BEGAIN: variants seen among roughly 807,000 people sequenced by gnomAD.
BEGAIN encodes brain enriched guanylate kinase associated.
BEGAIN carries 19 observed loss-of-function variants against 35.8 expected under a neutral mutation model. The observed-to-expected ratio is 0.53, with a 90% CI of 0.37 to 0.78. BEGAIN has a LOEUF of 0.78. Among genes scored for constraint, BEGAIN ranks in the 30% least tolerant of loss-of-function variants. BEGAIN has a pLI of 0.00. For missense variants in BEGAIN, 795 were observed against 853.6 expected (o/e 0.93, Z 0.85); for synonymous variants, 462 against 388.6 (o/e 1.19, Z -2.22).
intron 1 of BEGAIN, chr14:100,577,865 T>C (rs2035235632): frequency 2.5e-6 from 1 of 399,110 alleles, no homozygotes; most frequent in African/African-American, 2.1e-5. Flanking sequence ...GGGGCTTCTG[T>C]CCCGGGCTCC....
At position 100,568,209 on chromosome 14, in the gene BEGAIN, G is replaced by A; in HGVS notation, c.43-270C>T. Reference sequence around the variant, plus strand: ...CGCCCCCCGGGGCGAAGAAGGGGCCGGCCCGGGATGGCCCGGCCAGGGGCG... The same window carrying A: ...CGCCCCCCGGGGCGAAGAAGGGGCCAGCCCGGGATGGCCCGGCCAGGGGCG... On this transcript the variant is annotated intron_variant, in intron 1 of 6. Transcript: ENST00000554140. The surrounding 1 kb of genome is among the most constrained non-coding windows in gnomAD (Gnocchi z 7.5). The A allele has an allele frequency of 1.6e-6, 1 of 618,720 alleles. No homozygotes were observed. The highest frequency in any genetic ancestry group is 2.1e-6 in the Non-Finnish European group (1 of 484,608). The allele number at this position is 618,720 out of a possible 1,614,324, so 38.3% of individuals were successfully genotyped here. A position where few individuals can be genotyped will look rare whatever the true frequency, so the allele number is the denominator to read the frequency against.
rs1566977248 is a variant in BEGAIN at position 100,567,371 on chromosome 14, G to A, written c.71+540C>T. Among the ~76,000 whole-genome samples the A allele has an allele frequency of 6.6e-6, 1 of 152,176 alleles. No individual in the cohort carries two copies. Among genetic ancestry groups the A allele is most frequent in the South Asian group, 2.1e-4 (1 of 4,830 alleles). ...AGCTGTCGCGGGATTCCCCCAAAATGGCTCCAAGACGCGGCTGCCTGGTCC... is the reference window on the plus strand; with the variant it reads ...AGCTGTCGCGGGATTCCCCCAAAATAGCTCCAAGACGCGGCTGCCTGGTCC... On this transcript the variant is annotated intron_variant, in intron 2 of 6. Transcript: ENST00000554140. This position sits in a 1 kb window ranked among gnomAD's most constrained non-coding sequence, Gnocchi z 5.1.
intron 2 of BEGAIN, among the ~76,000 whole-genome samples, chr14:100,560,278 T>TGAGCTGACAACCTCA (rs1348180799): frequency 1.3e-5 from 2 of 152,170 alleles, no homozygotes; most frequent in Non-Finnish European, 2.9e-5. Flanking sequence ...TACCGCACTC[T>TGAGCTGACAACCTCA]GAGCTGACAA....
rs1417447827 is a variant in BEGAIN at position 100,561,693 on chromosome 14, C to T, written c.71+6218G>A. Among the ~76,000 whole-genome samples the T allele has an allele frequency of 2.0e-5, 3 of 151,348 alleles. No individual in the cohort carries two copies. In the East Asian group the frequency reaches 5.9e-4, roughly 30 times the overall value. ...CTTGAGCCCTGGACTGCACTCCAGC[C>T]TGGCGGACAGAGCAAGACTGTCGAA... is the stretch of plus-strand genomic sequence containing the variant. On this transcript the variant is annotated intron_variant, in intron 2 of 6. Transcript: ENST00000554140.
rs1158891863 is a variant in BEGAIN at position 100,538,176 on chromosome 14, C to T, written c.1632G>A (p.Gly544=). The change falls in exon 7 of 7, where the codon GGG becomes GGA. Residue 544 remains glycine (G), a synonymous_variant. Transcript: ENST00000554140. Reference sequence around the variant, plus strand: ...TGCTGGCGGTCCCACACAGCTGCACCCCGAGCCTGTCCCCGTCCCCCCCCT... The same window carrying T: ...TGCTGGCGGTCCCACACAGCTGCACTCCGAGCCTGTCCCCGTCCCCCCCCT... ...PSEGGDGDRL[G]VQLCGTASSP... The T allele has an allele frequency of 6.5e-7, 1 of 1,537,716 alleles. No homozygotes were observed. The highest frequency in any genetic ancestry group is 2.4e-5 in the East Asian group (1 of 42,166).
Position 100,538,279 on chromosome 14 carries a change from C to CCCACGTCGGTCACGGGCGCGTCCACGCT in BEGAIN, c.1528_1529insAGCGTGGACGCGCCCGTGACCGACGTGG (p.Cys510Ter). On this transcript the variant is annotated stop_gained and frameshift_variant, in exon 7 of 7. Coordinates refer to ENST00000554140, the MANE Select transcript of BEGAIN (RefSeq NM_001385089.1). LOFTEE classifies it high-confidence loss of function. ...CAGGTCGCCGCCCGCCCGCAGGAAGCAGGGCTCTGCCAGGTGGCCCTGGGA... is the reference window on the plus strand; with the variant it reads ...CAGGTCGCCGCCCGCCCGCAGGAAGCCCACGTCGGTCACGGGCGCGTCCACGCTAGGGCTCTGCCAGGTGGCCCTGGGA... 6.4e-7 allele frequency: 1 copy of CCCACGTCGGTCACGGGCGCGTCCACGCT among 1,560,446 alleles called. No individual in the cohort carries two copies. Among genetic ancestry groups the CCCACGTCGGTCACGGGCGCGTCCACGCT allele is most frequent in the East Asian group, 2.3e-5 (1 of 43,892 alleles).
In BEGAIN at chr14:100,538,914, C is replaced by T. The variant is rs761703451; in HGVS notation, c.894G>A (p.Pro298=). 1.6e-5 allele frequency: 26 copies of T among 1,607,378 alleles called. No individual in the cohort carries two copies. The East Asian group carries it at 4.0e-4, about 25-fold the overall frequency. ...GGAAGGCCTCATGCTGGAAGCCCGC[C>T]GGGAAGGCCGCCGCCTCGGCCTCCT... ...EEEEAEAAAF[P]AGFQHEAFPS... is the part of the protein sequence containing the mutation. The change falls in exon 7 of 7, where the codon CCG becomes CCA. Residue 298 remains proline (P), a synonymous_variant. Transcript: ENST00000554140.
At chr14:100,546,776 GCGCGCACACA>G (rs1450287753) in intron 2 of BEGAIN, 114 bp from the exon 3 acceptor site, 782 of 678,014 alleles carry the variant, frequency 1.2e-3, no homozygotes, top group Middle Eastern at 4.4e-3. Flanking sequence ...GCGCGCGCGC[GCGCGCACACA>G]CACACACACA....
In BEGAIN at chr14:100,537,910, C is replaced by T. The variant is rs1006748824; in HGVS notation, c.*59G>A. 4 of 1,536,072 alleles carry T rather than the reference C, an allele frequency of 2.6e-6. No individual in the cohort carries two copies. Among genetic ancestry groups the T allele is most frequent in the Non-Finnish European group, 3.5e-6 (4 of 1,142,036 alleles). On this transcript the variant is annotated 3_prime_UTR_variant, in exon 7 of 7. Transcript: ENST00000554140. ...GGGGCTGGGGAGAGGTGAGGCCGGC[C>T]CTTCTGGGGCACGTGGGCTGGCGGG...
At chr14:100,572,231 G>A (rs1305635009) in intron 1 of BEGAIN, among the ~76,000 whole-genome samples, 1 of 152,186 alleles carries the variant, frequency 6.6e-6, no homozygotes, top group African/African-American at 2.4e-5. Flanking sequence ...TCAGATGTGG[G>A]TCAGTCCTGC....
chr14:100,556,906 C>T (rs563049669), intron 2 of BEGAIN, among the ~76,000 whole-genome samples: 12 of 152,362 alleles, frequency 7.9e-5, no homozygotes, highest in Admixed American at 4.6e-4. Flanking sequence ...TGCCCCCTCT[C>T]TGCAGGTCAC....
intron 4 of BEGAIN, among the ~76,000 whole-genome samples, chr14:100,544,675 C>T (rs548884453): frequency 8.9e-4 from 135 of 152,248 alleles, no homozygotes; most frequent in Admixed American, 3.3e-3. Context: ...TTCGGGCCTC[C>T]CTATCCTCCT....
intron 2 of BEGAIN, chr14:100,548,520 C>T (rs564070374): frequency 6.5e-6 from 1 of 152,704 alleles, no homozygotes; most frequent in East Asian, 1.9e-4. Flanking sequence ...CCAGCCACAC[C>T]CCAGGCCTCA....
chr14:100,540,956 C>T (rs1595106704), intron 5 of BEGAIN, among the ~76,000 whole-genome samples: 1 of 152,202 alleles, frequency 6.6e-6, no homozygotes, highest in East Asian at 1.9e-4. Context: ...CTCAGGCTCT[C>T]GGCGTCCTTC....
chr14:100,546,816 A>C, intron 2 of BEGAIN, 154 bp from the exon 3 acceptor site: 2 of 548,952 alleles, frequency 3.6e-6, no homozygotes, highest in Non-Finnish European at 5.8e-6. Context: ...ACACACACTC[A>C]CACACACCCA....
chr14:100,561,618 C>T (rs935534339), intron 2 of BEGAIN, among the ~76,000 whole-genome samples: 1 of 151,856 alleles, frequency 6.6e-6, no homozygotes, highest in Admixed American at 6.6e-5. Context: ...TGTGGTGGCA[C>T]ATGACTGTCT....
Position 100,586,811 on chromosome 14 carries a change from C to T in BEGAIN, c.42+438G>A, listed in dbSNP as rs143370512. Among the ~76,000 whole-genome samples the T allele has an allele frequency of 1.3e-5, 2 of 152,156 alleles. No homozygotes were observed. The highest frequency in any genetic ancestry group is 2.4e-5 in the African/African-American group (1 of 41,458). Reference sequence around the variant, plus strand: ...TCCTTCCGGCTCCCGGGCCTTTCTCCGGCCTCCCAAGCAGGGGCTGGCCCT... The same window carrying T: ...TCCTTCCGGCTCCCGGGCCTTTCTCTGGCCTCCCAAGCAGGGGCTGGCCCT... On this transcript the variant is annotated intron_variant, in intron 1 of 6. Transcript: ENST00000554140. The surrounding 1 kb of genome is among the most constrained non-coding windows in gnomAD (Gnocchi z 4.9).
chr14:100,538,764 G>A lies in BEGAIN; in HGVS notation c.1044C>T (p.Ser348=). 6.3e-7 allele frequency: 1 copy of A among 1,584,922 alleles called. No homozygotes were observed. The highest frequency in any genetic ancestry group is 8.6e-7 in the Non-Finnish European group (1 of 1,167,000). ...GCTTGCGGTCGAAGAGCTCGTCGCGGCTGTTCAGGTAGATGGCCTGCTGCG... is the reference window on the plus strand; with the variant it reads ...GCTTGCGGTCGAAGAGCTCGTCGCGACTGTTCAGGTAGATGGCCTGCTGCG... ...TASQQAIYLN[S]RDELFDRKPP... Residue 348 remains serine, a synonymous_variant, in exon 7 of 7, where the codon AGC becomes AGT. Coordinates refer to ENST00000554140, the MANE Select transcript of BEGAIN (RefSeq NM_001385089.1).
intron 1 of BEGAIN, among the ~76,000 whole-genome samples, chr14:100,581,198 C>G (rs975985123): frequency 4.6e-5 from 7 of 152,260 alleles, no homozygotes; most frequent in Non-Finnish European, 8.8e-5. Flanking sequence ...CAAGGGACTT[C>G]AGGACTCATT....
Sources: allele counts gnomAD v4.1 joint callset (sites outside exome capture counted in the v4.1 genomes callset), GRCh38; gene constraint gnomAD v4.1.1; non-coding constraint Gnocchi (gnomAD v3.1); transcripts MANE v1.5; gene names NCBI Gene and HGNC (gene_info 2026-07-23, HGNC 2026-07-21).